CHLSN: variants seen among roughly 807,000 people sequenced by gnomAD.
The protein encoded by CHLSN is cholesin.
chr7:1,055,326 G>T, the CHLSN span: 5 of 471,158 alleles, frequency 1.1e-5, no homozygotes, highest in East Asian at 3.5e-4. Flanking sequence ...CGCGCAGGCG[G>T]CCAGGCGCGC....
At chr7:1,040,193 A>AAAAAAAATAAT in the CHLSN span, among the ~76,000 whole-genome samples, 2 of 119,724 alleles carry the variant, frequency 1.7e-5, no homozygotes, top group South Asian at 2.8e-4. Flanking sequence ...TAAAAAAAAA[A>AAAAAAAATAAT]AAAAAAAAAA....
At chr7:1,131,945 A>G in the CHLSN span, among the ~76,000 whole-genome samples, 1 of 152,262 alleles carries the variant, frequency 6.6e-6, no homozygotes. Flanking sequence ...ATTTTCAACA[A>G]GAGTGCCATG....
chr7:1,018,672 T>C, the CHLSN span, among the ~76,000 whole-genome samples: 1 of 151,796 alleles, frequency 6.6e-6, no homozygotes, highest in African/African-American at 2.4e-5. Flanking sequence ...TTAATCTGAG[T>C]GCTTTGGGAG....
chr7:1,018,938 G>T, the CHLSN span, among the ~76,000 whole-genome samples: 2 of 152,292 alleles, frequency 1.3e-5, no homozygotes, highest in East Asian at 3.9e-4. Flanking sequence ...TCAAGAACTG[G>T]GGAGTGGTCC....
At chr7:994,713 A>G in the CHLSN span, among the ~76,000 whole-genome samples, 2 of 152,204 alleles carry the variant, frequency 1.3e-5, no homozygotes, top group Non-Finnish European at 2.9e-5. Context: ...GTGCTGAGTT[A>G]CAGGTGTGAG....
chr7:1,100,047 G>C, the CHLSN span, among the ~76,000 whole-genome samples: 66 of 152,322 alleles, frequency 4.3e-4, no homozygotes, highest in African/African-American at 1.4e-3. Flanking sequence ...CCCCGTCCCC[G>C]TTCTGTGCAC....
At chr7:1,094,023 C>T in the CHLSN span, among the ~76,000 whole-genome samples, 1 of 152,240 alleles carries the variant, frequency 6.6e-6, no homozygotes, top group Non-Finnish European at 1.5e-5. Flanking sequence ...ACTTCTGTGT[C>T]ATGCTTGGGT....
the CHLSN span, among the ~76,000 whole-genome samples, chr7:1,078,646 C>G: frequency 6.6e-6 from 1 of 152,226 alleles, no homozygotes; most frequent in Non-Finnish European, 1.5e-5. Flanking sequence ...AAATGCACTC[C>G]CGGGGGGTTG....
chr7:1,020,526 C>T, the CHLSN span, among the ~76,000 whole-genome samples: 1 of 152,240 alleles, frequency 6.6e-6, no homozygotes, highest in African/African-American at 2.4e-5. Flanking sequence ...GCGGATACCA[C>T]ACACAAGGGG....
At chr7:1,088,757 CTA>C in the CHLSN span, among the ~76,000 whole-genome samples, 25 of 152,260 alleles carry the variant, frequency 1.6e-4, no homozygotes, top group Non-Finnish European at 2.8e-4. This position sits in a 1 kb window ranked among gnomAD's most constrained non-coding sequence, Gnocchi z 4.5. Context: ...CTTTATTTCT[CTA>C]TGACAAGCAG....
chr7:1,017,550 G>A, the CHLSN span, among the ~76,000 whole-genome samples: 1 of 152,192 alleles, frequency 6.6e-6, no homozygotes, highest in African/African-American at 2.4e-5. Flanking sequence ...TGGCAGGGGA[G>A]GTGGGGAGGG....
chr7:1,091,831 C>T, the CHLSN span: 3 of 1,607,086 alleles, frequency 1.9e-6, no homozygotes, highest in Non-Finnish European at 1.7e-6. Context: ...CAACCTGTCC[C>T]ACCCGCTCCT....
chr7:1,081,460 C>T, the CHLSN span, among the ~76,000 whole-genome samples: 5 of 152,354 alleles, frequency 3.3e-5, no homozygotes, highest in South Asian at 2.1e-4. Flanking sequence ...AGTACAAACA[C>T]GGCGGGCTCG....
At chr7:1,135,968 A>G in the CHLSN span, among the ~76,000 whole-genome samples, 1 of 127,030 alleles carries the variant, frequency 7.9e-6, no homozygotes, top group South Asian at 2.2e-4. Flanking sequence ...AATATATATA[A>G]GTATATATAA....
the CHLSN span, among the ~76,000 whole-genome samples, chr7:984,045 C>A: frequency 6.6e-6 from 1 of 152,340 alleles, no homozygotes; most frequent in East Asian, 1.9e-4. Context: ...TCTCTGGGGG[C>A]CGAGCCTGTC....
chr7:1,001,887 G>A, the CHLSN span, among the ~76,000 whole-genome samples: 4 of 103,768 alleles, frequency 3.9e-5, no homozygotes, highest in Admixed American at 2.6e-4. Context: ...TCCTGTGGGT[G>A]AGTGGAGTCC....
chr7:1,034,561 A>G, the CHLSN span, among the ~76,000 whole-genome samples: 1 of 152,194 alleles, frequency 6.6e-6, no homozygotes, highest in Non-Finnish European at 1.5e-5. Flanking sequence ...AGACACACAG[A>G]GGAACAGAGA....
the CHLSN span, chr7:1,028,465 G>A: frequency 2.0e-6 from 2 of 985,356 alleles, no homozygotes; most frequent in African/African-American, 1.7e-5. Flanking sequence ...GCGCGGGGGT[G>A]GGAGAGCCGG....
At chr7:1,053,504 G>A in the CHLSN span, among the ~76,000 whole-genome samples, 1 of 152,364 alleles carries the variant, frequency 6.6e-6, no homozygotes, top group East Asian at 1.9e-4. Context: ...CTGTGGTTCT[G>A]TGGGTGCCCC....
Sources: gnomAD v4.1 joint callset for allele counts (sites outside exome capture counted in the v4.1 genomes callset) on GRCh38, gnomAD v4.1.1 for gene constraint, Gnocchi (gnomAD v3.1) non-coding constraint, MANE v1.5 for transcripts, NCBI Gene and HGNC (gene_info 2026-07-23, HGNC 2026-07-21) for gene names.